POU2F1: variants seen among roughly 807,000 people sequenced by gnomAD.
The protein encoded by POU2F1 is POU class 2 homeobox 1, also known as POU domain, class 2, transcription factor 1.
A neutral mutation model predicts 84.9 loss-of-function variants in POU2F1; 16 were observed. The observed-to-expected ratio is 0.19, with a 90% CI of 0.13 to 0.29. POU2F1 has a LOEUF of 0.29. Among genes scored for constraint, POU2F1 ranks in the 10% least tolerant of loss-of-function variants. The pLI is 1.00. For synonymous variants in POU2F1, 368 were observed against 368.3 expected (o/e 1.00, Z 0.01); for missense variants, 738 against 942.6 (o/e 0.78, Z 2.84).
chr1:167,248,860 T>C (rs1030092682), intron 1 of POU2F1, among the ~76,000 whole-genome samples: 3 of 152,176 alleles, frequency 2.0e-5, no homozygotes, highest in African/African-American at 7.2e-5. Flanking sequence ...ACAACTTTAT[T>C]ATGTAGGTAT....
intron 1 of POU2F1, among the ~76,000 whole-genome samples, chr1:167,263,512 C>T (rs368605387): frequency 1.9e-4 from 29 of 149,948 alleles, no homozygotes; most frequent in African/African-American, 6.1e-4. Flanking sequence ...AGCGAAACTC[C>T]GACTCAAAAA....
At chr1:167,333,316 A>G (rs755469648) in intron 2 of POU2F1, among the ~76,000 whole-genome samples, 50 of 152,308 alleles carry the variant, frequency 3.3e-4, no homozygotes, top group Non-Finnish European at 6.8e-4. Flanking sequence ...GAGAGGATAC[A>G]GGGACTTCCC....
intron 9 of POU2F1, among the ~76,000 whole-genome samples, chr1:167,393,856 A>G (rs1648609432): frequency 6.6e-6 from 1 of 152,208 alleles, no homozygotes; most frequent in Admixed American, 6.5e-5. Flanking sequence ...AAGAATTGCA[A>G]GGTTTAGTTG....
chr1:167,295,660 A>G (rs1654243903), intron 1 of POU2F1, among the ~76,000 whole-genome samples: 1 of 152,190 alleles, frequency 6.6e-6, no homozygotes, highest in Admixed American at 6.5e-5. Context: ...ATTTTAAAAG[A>G]CATTTTAGCC....
At chr1:167,373,645 C>A (rs1660148223) in intron 5 of POU2F1, among the ~76,000 whole-genome samples, 1 of 152,150 alleles carries the variant, frequency 6.6e-6, no homozygotes, top group Admixed American at 6.5e-5. Context: ...TTAGTCATAT[C>A]TTTGGACTTA....
At chr1:167,230,722 C>T (rs1486889674) in intron 1 of POU2F1, among the ~76,000 whole-genome samples, 1 of 152,238 alleles carries the variant, frequency 6.6e-6, no homozygotes, top group Non-Finnish European at 1.5e-5. Context: ...TCATTATACA[C>T]AGTCCTATTT....
chr1:167,296,864 C>T (rs1470658195), intron 1 of POU2F1, among the ~76,000 whole-genome samples: 1 of 152,082 alleles, frequency 6.6e-6, no homozygotes, highest in East Asian at 1.9e-4. Flanking sequence ...ACTTTAAAAA[C>T]TTGTATCATG....
intron 2 of POU2F1, among the ~76,000 whole-genome samples, chr1:167,355,315 T>C: frequency 6.6e-6 from 1 of 152,170 alleles, no homozygotes; most frequent in East Asian, 1.9e-4. Flanking sequence ...CTCTGTCATG[T>C]TTCAAGTGTT....
rs181108980 is a variant in POU2F1, at chr1:167,348,419, T to C, written c.127+15884T>C. 4.2e-3 allele frequency among the ~76,000 whole-genome samples: 640 copies of C among 152,320 alleles called. 11 individuals are homozygous for C. Among genetic ancestry groups the C allele is most frequent in the African/African-American group, 0.015 (619 of 41,582 alleles). ...AAACATAGAATTACCGCCAAACTTT[T>C]TTCCATAGCAGCTGAACCATTTTAT... is the stretch of plus-strand genomic sequence containing the variant. On this transcript the variant is annotated intron_variant, in intron 2 of 15. Transcript: ENST00000367866.
At chr1:167,326,679 CT>C (rs2101713441) in intron 1 of POU2F1, among the ~76,000 whole-genome samples, 1 of 152,218 alleles carries the variant, frequency 6.6e-6, no homozygotes, top group South Asian at 2.1e-4. Flanking sequence ...CCTGTGTGGG[CT>C]GGTAAACTAT....
intron 1 of POU2F1, among the ~76,000 whole-genome samples, chr1:167,329,516 A>G (rs1656938420): frequency 6.6e-6 from 1 of 152,216 alleles, no homozygotes; most frequent in African/African-American, 2.4e-5. Flanking sequence ...CTTCTGATTC[A>G]GAGGGTATCG....
intron 5 of POU2F1, among the ~76,000 whole-genome samples, chr1:167,373,699 C>T (rs976417405): frequency 1.3e-5 from 2 of 152,172 alleles, no homozygotes; most frequent in Non-Finnish European, 2.9e-5. Flanking sequence ...TAATGGGAAG[C>T]AGCTGGGCCT....
intron 10 of POU2F1, among the ~76,000 whole-genome samples, chr1:167,397,639 A>G (rs1463100256): frequency 6.6e-6 from 1 of 152,142 alleles, no homozygotes; most frequent in Non-Finnish European, 1.5e-5. Context: ...TCCACCTCCC[A>G]GGTTCAAGTG....
intron 1 of POU2F1, among the ~76,000 whole-genome samples, chr1:167,330,619 A>G (rs1236105093): frequency 6.6e-6 from 1 of 152,272 alleles, no homozygotes; most frequent in East Asian, 1.9e-4. Context: ...TTTTGTGTGT[A>G]TGTGAAGTAA....
chr1:167,392,947 A>T (rs557099774), intron 9 of POU2F1, among the ~76,000 whole-genome samples: 2 of 152,326 alleles, frequency 1.3e-5, no homozygotes, highest in Non-Finnish European at 2.9e-5. Context: ...AAAAAGCTCT[A>T]TTCTCTGTGT....
chr1:167,370,889 A>G (rs1659963773), intron 4 of POU2F1, among the ~76,000 whole-genome samples: 1 of 152,198 alleles, frequency 6.6e-6, no homozygotes, highest in Admixed American at 6.5e-5. Flanking sequence ...ACAACATGCA[A>G]AGTTCAAGTG....
intron 2 of POU2F1, among the ~76,000 whole-genome samples, 180 bp downstream of exon 2, chr1:167,332,715 C>A (rs1657157630): frequency 6.6e-6 from 1 of 152,194 alleles, no homozygotes. Context: ...ACTTAACTTT[C>A]TTCTGCAGGC....
Position 167,374,287 on chromosome 1 carries a change from G to C in POU2F1, c.582G>C (p.Gln194His). The C allele has an allele frequency of 6.3e-7, 1 of 1,593,718 alleles. No individual in the cohort carries two copies. Among genetic ancestry groups the C allele is most frequent in the Non-Finnish European group, 8.5e-7 (1 of 1,170,568 alleles). Residue 194 changes from glutamine to histidine, a missense_variant, in exon 6 of 16, where the codon CAG becomes CAC. Transcript: ENST00000367866. ...MTQIPLSQPI[Q>H]IAQDLQQLQQ... ...AGATCCCCCTGTCTCAGCCCATACA[G>C]ATCGCACAGGTGAGTGAGGAACTCC...
intron 1 of POU2F1, among the ~76,000 whole-genome samples, chr1:167,250,918 C>G (rs1350760648): frequency 1.3e-5 from 2 of 152,160 alleles, no homozygotes; most frequent in African/African-American, 2.4e-5. Context: ...TATACACAGA[C>G]TTTATTTTGC....
Sources: gnomAD v4.1 joint callset for allele counts (sites outside exome capture counted in the v4.1 genomes callset) on GRCh38, gnomAD v4.1.1 for gene constraint, MANE v1.5 for transcripts, NCBI Gene and HGNC (gene_info 2026-07-23, HGNC 2026-07-21) for gene names.